FAT2: variants seen among roughly 807,000 people sequenced by gnomAD.
The protein encoded by FAT2 is protocadherin Fat 2.
In FAT2, 150 loss-of-function variants were observed where a neutral mutation model predicts 295.3. The ratio of observed to expected loss-of-function variants is 0.51; its 90% CI spans 0.44 to 0.58. FAT2 has a LOEUF of 0.58. Among genes scored for constraint, FAT2 ranks in the 20% least tolerant of loss-of-function variants. FAT2 has a pLI of 0.00. For missense variants in FAT2, 4,868 were observed against 5,442.7 expected (o/e 0.89, Z 3.32); for synonymous variants, 2,026 against 2,150.3 (o/e 0.94, Z 1.60).
chr5:151,543,077 T>A lies in FAT2; in HGVS notation c.8050A>T (p.Lys2684Ter). 1.2e-6 allele frequency: 2 copies of A among 1,614,164 alleles called. No individual in the cohort carries two copies. The highest frequency in any genetic ancestry group is 2.2e-5 in the East Asian group (1 of 44,884). ...GAAAATTTCGGTAAGGATACTTTTT[T>A]AGGAACCACCTGAAGTCGTACTGGC... Reference protein sequence around the residue: ...LVPVRLQVVPKKVSLPKFSEP... With the variant: ...LVPVRLQVVP Residue 2684 changes from lysine to a stop codon, truncating the protein, a stop_gained, in exon 10 of 24, where the codon AAA (lysine) becomes TAA (stop). Transcript: ENST00000261800. LOFTEE classifies it high-confidence loss of function.
rs754313296 is a variant in FAT2 at position 151,544,656 on chromosome 5, T to C, written c.6471A>G (p.Glu2157=). The part of the protein sequence containing the change: ...DGGTPSLQSE[E]EVLVTVRNKS... Reference sequence around the variant, plus strand: ...TATTTCTCACAGTGACAAGTACCTCTTCCTCACTCTGGAGGGATGGCGTTC... The same window carrying C: ...TATTTCTCACAGTGACAAGTACCTCCTCCTCACTCTGGAGGGATGGCGTTC... The change falls in exon 10 of 24, where the codon GAA becomes GAG. Residue 2157 remains glutamate, a synonymous_variant. Transcript: ENST00000261800. The C allele has an allele frequency of 2.5e-6, 4 of 1,614,132 alleles. No homozygotes were observed. Among genetic ancestry groups the C allele is most frequent in the Non-Finnish European group, 3.4e-6 (4 of 1,180,006 alleles).
chr5:151,572,898 G>A (rs1174940940), intron 1 of FAT2, among the ~76,000 whole-genome samples: 1 of 152,198 alleles, frequency 6.6e-6, no homozygotes, highest in Admixed American at 6.5e-5. Context: ...CACTTGTCTG[G>A]GGTGGGGCCT....
chr5:151,507,173 G>C lies in FAT2; in HGVS notation c.12498C>G (p.Thr4166=). The C allele has an allele frequency of 6.3e-7, 1 of 1,592,416 alleles. No individual in the cohort carries two copies. Among genetic ancestry groups the C allele is most frequent in the Non-Finnish European group, 8.6e-7 (1 of 1,167,986 alleles). Residue 4166 remains threonine (T), a synonymous_variant, in exon 23 of 24, where the codon ACC becomes ACG. Coordinates refer to ENST00000261800, the MANE Select transcript of FAT2 (RefSeq NM_001447.3). ...ACTGACCCATCTCCTCGCTGGACCA[G>C]GTTCTCTTAATGACAGGCTCATTGT... ...HSDNEPVIKR[T]WSSEEMVYPG... is the part of the protein sequence containing the mutation.
upstream of FAT2, among the ~76,000 whole-genome samples, chr5:151,593,729 C>T (rs1416698087): frequency 5.9e-5 from 9 of 152,078 alleles, no homozygotes; most frequent in East Asian, 3.9e-4. Context: ...ATAGGCTGGG[C>T]GCAGTGGCTC....
chr5:151,584,097 C>T lies in FAT2; in HGVS notation c.-21+7068G>A, dbSNP rs141055955. ...AAAGAAGACATTAAAATAATAAAAG[C>T]GTTTGGACTACCTGCAAATTGCATA... is the stretch of plus-strand genomic sequence containing the variant. On this transcript the variant is annotated intron_variant, in intron 1 of 23. Transcript: ENST00000261800. Among the ~76,000 whole-genome samples, 971 of 149,526 alleles carry T rather than the reference C, an allele frequency of 6.5e-3. 17 individuals carry two copies. Among genetic ancestry groups the T allele is most frequent in the African/African-American group, 0.022 (909 of 40,500 alleles).
chr5:151,533,605 C>T (rs1312783535), intron 13 of FAT2, among the ~76,000 whole-genome samples: 3 of 152,058 alleles, frequency 2.0e-5, no homozygotes, highest in African/African-American at 7.2e-5. Context: ...GTTTTGATCC[C>T]ACTTTTATCA....
At chr5:151,576,858 G>A (rs1336514118) in intron 1 of FAT2, among the ~76,000 whole-genome samples, 1 of 152,098 alleles carries the variant, frequency 6.6e-6, no homozygotes, top group African/African-American at 2.4e-5. Flanking sequence ...ACAAACCTAG[G>A]TGGTGACGCT....
intron 11 of FAT2, 121 bp downstream of exon 11, chr5:151,540,438 CCTGCCCCT>C (rs1214037337): frequency 1.1e-4 from 67 of 593,378 alleles, no homozygotes; most frequent in African/African-American, 1.1e-3. Flanking sequence ...TCTCCCTTCT[CCTGCCCCT>C]CACTCTCTGT....
At chr5:151,553,573 G>A (rs549798689) in intron 5 of FAT2, among the ~76,000 whole-genome samples, 186 bp from the exon 6 acceptor site, 2 of 152,226 alleles carry the variant, frequency 1.3e-5, no homozygotes, top group African/African-American at 4.8e-5. Flanking sequence ...CTGCAGGCAC[G>A]GTGGTGAACA....
intron 1 of FAT2, among the ~76,000 whole-genome samples, chr5:151,574,752 A>G (rs1251973654): frequency 2.0e-5 from 3 of 152,256 alleles, no homozygotes; most frequent in African/African-American, 7.2e-5. Flanking sequence ...GAGAGACTTA[A>G]TCTACTTCCA....
At chr5:151,509,920 C>A in intron 22 of FAT2, 101 bp downstream of exon 22, 1 of 1,377,664 alleles carries the variant, frequency 7.3e-7, no homozygotes. Flanking sequence ...CAGGTCCCTG[C>A]AGCACTCTCC....
At chr5:151,572,102 T>C (rs1471019284) in intron 1 of FAT2, among the ~76,000 whole-genome samples, 1 of 152,242 alleles carries the variant, frequency 6.6e-6, no homozygotes, top group Non-Finnish European at 1.5e-5. Context: ...AATTCCCCTC[T>C]TTATCACTTT....
chr5:151,592,026 G>A (rs1759430610), upstream of FAT2, among the ~76,000 whole-genome samples: 1 of 152,180 alleles, frequency 6.6e-6, no homozygotes, highest in Non-Finnish European at 1.5e-5. Context: ...AAGAATACCT[G>A]CTTCATAAGG....
rs184328249 is a variant in FAT2, at chr5:151,513,593, G to C, written c.11464-987C>G. ...GAACAATAGACATCAGGGCCTACTT[G>C]AGGGCAGAGGGTGGGAGAAGGTTAA... On this transcript the variant is annotated intron_variant, in intron 20 of 23. Transcript: ENST00000261800. Among the ~76,000 whole-genome samples the C allele has an allele frequency of 1.2e-3, 165 of 135,914 alleles. 1 individual carries two copies. The highest frequency in any genetic ancestry group is 6.0e-3 in the Admixed American group (76 of 12,618). The allele number at this position is 135,914 out of a possible 152,430, so 89.2% of individuals were successfully genotyped here.
At chr5:151,555,156 G>A (rs1021979547) in intron 4 of FAT2, among the ~76,000 whole-genome samples, 8 of 152,160 alleles carry the variant, frequency 5.3e-5, no homozygotes, top group African/African-American at 1.9e-4. Context: ...TTCAGAACCA[G>A]TAGCTATTTA....
chr5:151,565,565 TCAGCCTG>T, intron 2 of FAT2, 101 bp downstream of exon 2: 1 of 1,153,192 alleles, frequency 8.7e-7, no homozygotes, highest in Non-Finnish European at 1.2e-6. Context: ...GCCTTTCATT[TCAGCCTG>T]CAGGCTGACT....
intron 1 of FAT2, among the ~76,000 whole-genome samples, chr5:151,571,667 G>A (rs2127653115): frequency 6.6e-6 from 1 of 152,360 alleles, no homozygotes; most frequent in African/African-American, 2.4e-5. Flanking sequence ...GGAGGGAACA[G>A]TGTCTGCACA....
intron 12 of FAT2, 42 bp from the exon 13 acceptor site, chr5:151,534,684 A>C: frequency 1.3e-6 from 2 of 1,542,224 alleles, no homozygotes; most frequent in South Asian, 1.1e-5. Context: ...CTCTGGGGAA[A>C]TATTACCCAA....
chr5:151,537,894 A>C lies in FAT2; in HGVS notation c.9092T>G (p.Leu3031Trp). Residue 3031 changes from leucine to tryptophan, a missense_variant, in exon 12 of 24, where the codon TTG becomes TGG. Leu to Trp is a moderately conservative substitution (Grantham distance 61). Transcript: ENST00000261800. Reference sequence around the variant, plus strand: ...GTCCAAGTCTGTGGCAGAAACCTTCAAAATGAAGTGTCCTGGAAATACATC... The same window carrying C: ...GTCCAAGTCTGTGGCAGAAACCTTCCAAATGAAGTGTCCTGGAAATACATC... ...HEDVFPGHFI[L>W]KVSATDLDTD... 1.2e-6 allele frequency: 2 copies of C among 1,614,182 alleles called. No homozygotes were observed. The highest frequency in any genetic ancestry group is 1.7e-6 in the Non-Finnish European group (2 of 1,180,002).
Sources: allele counts gnomAD v4.1 joint callset (sites outside exome capture counted in the v4.1 genomes callset), GRCh38; gene constraint gnomAD v4.1.1; transcripts MANE v1.5; gene names NCBI Gene and HGNC (gene_info 2026-07-23, HGNC 2026-07-21).